Variants in CCDC177 observed in about 807,000 individuals in gnomAD.
The protein encoded by CCDC177 is coiled-coil domain-containing protein 177.
In CCDC177, 2 loss-of-function variants were observed where a neutral mutation model predicts 7.3. That is an observed-to-expected ratio of 0.28 (90% CI 0.11 to 0.87). CCDC177 has a LOEUF of 0.87. CCDC177 is among the 40% of genes least tolerant of loss of function. CCDC177 has a pLI of 0.61. For synonymous variants in CCDC177, 401 were observed against 449.2 expected (o/e 0.89, Z 1.36); for missense variants, 874 against 970.5 (o/e 0.90, Z 1.32).
rs1258434067 is a variant in CCDC177 at position 69,570,960 on chromosome 14, T to C, written c.*539A>G. On this transcript the variant is annotated 3_prime_UTR_variant, in exon 2 of 2. Coordinates refer to ENST00000599174, the MANE Select transcript of CCDC177 (RefSeq NM_001271507.2). ...AAAAAATCAACTGCTTTTTGGATCA[T>C]TTGGGCGTGGCTTGACACCTTGGAG... The C allele has an allele frequency of 4.4e-6, 2 of 458,968 alleles. No individual in the cohort carries two copies. 28.4% of individuals were successfully genotyped at this position (458,968 alleles called of 1,614,324 possible).
intron 1 of CCDC177, among the ~76,000 whole-genome samples, chr14:69,574,029 G>A (rs1403849524): frequency 6.6e-6 from 1 of 152,342 alleles, no homozygotes; most frequent in East Asian, 1.9e-4. Flanking sequence ...GAGGATTAGC[G>A]TATTTGTTTG....
chr14:69,572,478 C>G lies in CCDC177; in HGVS notation c.1145G>C (p.Arg382Pro). Residue 382 changes from arginine (R) to proline (P), a missense_variant, in exon 2 of 2, where the codon CGG (arginine) becomes CCG (proline). Arg to Pro is a moderately radical substitution (Grantham distance 103). Transcript: ENST00000599174. The stretch of plus-strand genomic sequence containing the variant: ...CTGCTCTAGGGCGCGCTGCTTCTCC[C>G]GCTCCTCGCGCTCCCGCCGCTGCTT... ...HAKQRREREEREKQRALEQGR... is the reference protein window; with the variant it reads ...HAKQRREREEPEKQRALEQGR... 8.1e-7 allele frequency: 1 copy of G among 1,230,120 alleles called. No homozygotes were observed. The highest frequency in any genetic ancestry group is 1.0e-6 in the Non-Finnish European group (1 of 987,050). 76.2% of individuals were successfully genotyped at this position (1,230,120 alleles called of 1,614,324 possible).
At position 69,569,829 on chromosome 14, in the gene CCDC177, T is replaced by C. The variant is rs1439596546; in HGVS notation, c.*1670A>G. The C allele has an allele frequency of 6.6e-6, 1 of 152,018 alleles. No homozygotes were observed. The highest frequency in any genetic ancestry group is 1.5e-5 in the Non-Finnish European group (1 of 68,000). The allele number at this position is 152,018 out of a possible 1,614,324, so 9.4% of individuals were successfully genotyped here. A position where few individuals can be genotyped will look rare whatever the true frequency, so the allele number is the denominator to read the frequency against. On this transcript the variant is annotated 3_prime_UTR_variant, in exon 2 of 2. Coordinates refer to ENST00000599174, the MANE Select transcript of CCDC177 (RefSeq NM_001271507.2). ...CCCAGCAGAATATATATGAAATATG[T>C]TTAATGTAGCAGTTCTCTACCCTGT...
chr14:69,571,657 G>A lies in CCDC177; in HGVS notation c.1966C>T (p.Gln656Ter). 1 of 1,232,090 alleles carries A rather than the reference G, an allele frequency of 8.1e-7. No homozygotes were observed. The highest frequency in any genetic ancestry group is 1.0e-6 in the Non-Finnish European group (1 of 988,252). The allele number at this position is 1,232,090 out of a possible 1,614,324, so 76.3% of individuals were successfully genotyped here. A position where few individuals can be genotyped will look rare whatever the true frequency, so the allele number is the denominator to read the frequency against. ...AIGRKLERSE[Q>*]LTRERRSALE... The stretch of plus-strand genomic sequence containing the variant: ...GCACTGCGCCGTTCCCGCGTCAGCT[G>A]CTCGCTGCGCTCCAGCTTGCGCCCG... Residue 656 changes from glutamine to a stop codon, truncating the protein, a stop_gained, in exon 2 of 2, where the codon CAG becomes TAG. Transcript: ENST00000599174. LOFTEE classifies it high-confidence loss of function.
In CCDC177 at chr14:69,571,464, C is replaced by A; in HGVS notation, c.*35G>T. On this transcript the variant is annotated 3_prime_UTR_variant, in exon 2 of 2. Transcript: ENST00000599174. ...AGTGGTTGAGGGAGGCCCCAGGGGG[C>A]TGTGCGTGCCAATCTGGCTGGCAAA... is the stretch of plus-strand genomic sequence containing the variant. 8.1e-7 allele frequency: 1 copy of A among 1,236,126 alleles called. No individual in the cohort carries two copies. The highest frequency in any genetic ancestry group is 1.0e-6 in the Non-Finnish European group (1 of 984,304). 76.6% of individuals were successfully genotyped at this position (1,236,126 alleles called of 1,614,324 possible).
In CCDC177 at chr14:69,572,324, T is replaced by G; in HGVS notation, c.1299A>C (p.Glu433Asp). ...GCTCCCGCCGCAGGAGGCCCTGGCG[T>G]TCGGCCAGCTCCCGCCGCCGCTCCT... is the stretch of plus-strand genomic sequence containing the variant. ...RSEERRRELA[E>D]RQGLLRRERA... The change falls in exon 2 of 2, where the codon GAA becomes GAC. Residue 433 changes from glutamate to aspartate, a missense_variant. Physicochemically the swap from Glu to Asp is conservative, Grantham distance 45. Transcript: ENST00000599174. 1 of 1,226,384 alleles carries G rather than the reference T, an allele frequency of 8.2e-7. No homozygotes were observed. The highest frequency in any genetic ancestry group is 1.0e-6 in the Non-Finnish European group (1 of 984,736). The allele number at this position is 1,226,384 out of a possible 1,614,324, so 76.0% of individuals were successfully genotyped here.
In CCDC177 at chr14:69,572,227, C is replaced by T. The variant is rs953037062; in HGVS notation, c.1396G>A (p.Glu466Lys). The T allele has an allele frequency of 4.6e-5, 56 of 1,229,550 alleles. No homozygotes were observed. The highest frequency in any genetic ancestry group is 5.4e-5 in the Non-Finnish European group (53 of 986,696). The allele number at this position is 1,229,550 out of a possible 1,614,324, so 76.2% of individuals were successfully genotyped here. ...CGCTCCCGCCCTTCCTGTAGACCTT[C>T]CTCACGTTGCTTCAGGTTCTGCTCC... ...QQEQNLKQRE[E>K]GLQEGRERAE... The change falls in exon 2 of 2, where the codon GAA becomes AAA. Residue 466 changes from glutamate to lysine, a missense_variant. Coordinates refer to ENST00000599174, the MANE Select transcript of CCDC177 (RefSeq NM_001271507.2).
chr14:69,573,475 C>T lies in CCDC177; in HGVS notation c.148G>A (p.Val50Met). 1 of 1,231,450 alleles carries T rather than the reference C, an allele frequency of 8.1e-7. No homozygotes were observed. Among genetic ancestry groups the T allele is most frequent in the Non-Finnish European group, 1.0e-6 (1 of 987,772 alleles). The allele number at this position is 1,231,450 out of a possible 1,614,324, so 76.3% of individuals were successfully genotyped here. Residue 50 changes from valine to methionine, a missense_variant, in exon 2 of 2, where the codon GTG (valine) becomes ATG (methionine). Physicochemically the swap from Val to Met is conservative, Grantham distance 21 (BLOSUM62 1). Coordinates refer to ENST00000599174, the MANE Select transcript of CCDC177 (RefSeq NM_001271507.2). The part of the protein sequence containing the change: ...SSASASASAA[V>M]PRKAEVPCAA... ...CATGGGACTTCTGCCTTGCGGGGCACCGCCGCGGAGGCCGAGGCCGAGGCC... is the reference window on the plus strand; with the variant it reads ...CATGGGACTTCTGCCTTGCGGGGCATCGCCGCGGAGGCCGAGGCCGAGGCC...
Position 69,571,678 on chromosome 14 carries a change from G to A in CCDC177, c.1945C>T (p.Arg649Cys), listed in dbSNP as rs1884327237. The change falls in exon 2 of 2, where the codon CGC (arginine) becomes TGC (cysteine). Residue 649 changes from arginine (R) to cysteine (C), a missense_variant. By Grantham distance (180) the Arg-to-Cys change is radical. Coordinates refer to ENST00000599174, the MANE Select transcript of CCDC177 (RefSeq NM_001271507.2). ...RRRELLQAIG[R>C]KLERSEQLTR... ...AGCTGCTCGCTGCGCTCCAGCTTGC[G>A]CCCGATGGCCTGGAGTAGCTCTCGC... 4 of 1,232,050 alleles carry A rather than the reference G, an allele frequency of 3.2e-6. No individual in the cohort carries two copies. Among genetic ancestry groups the A allele is most frequent in the East Asian group, 3.2e-5 (1 of 31,688 alleles). 76.3% of individuals were successfully genotyped at this position (1,232,050 alleles called of 1,614,324 possible).
At position 69,572,951 on chromosome 14, in the gene CCDC177, A is replaced by C. The variant is rs1450391105; in HGVS notation, c.672T>G (p.Ser224=). Residue 224 remains serine (S), a synonymous_variant, in exon 2 of 2, where the codon TCT becomes TCG. Transcript: ENST00000599174. ...SARTQPPPAG[S]RTGRKSHSLD... Reference sequence around the variant, plus strand: ...GCGAATGGCTCTTCCTGCCTGTTCGAGAACCCGCTGGCGGAGGTTGGGTCC... The same window carrying C: ...GCGAATGGCTCTTCCTGCCTGTTCGCGAACCCGCTGGCGGAGGTTGGGTCC... 51 of 1,231,138 alleles carry C rather than the reference A, an allele frequency of 4.1e-5. No homozygotes were observed. Among genetic ancestry groups the C allele is most frequent in the Non-Finnish European group, 4.8e-5 (47 of 987,682 alleles). 76.3% of individuals were successfully genotyped at this position (1,231,138 alleles called of 1,614,324 possible).
chr14:69,572,298 C>G lies in CCDC177; in HGVS notation c.1325G>C (p.Arg442Pro), dbSNP rs1205492519. ...ATCCTCCCGGGCCGCGCGCTCCGCC[C>G]GCTCCCGCCGCAGGAGGCCCTGGCG... Reference protein sequence around the residue: ...AERQGLLRRERAERAAREDRL... With the variant: ...AERQGLLRREPAERAAREDRL... Residue 442 changes from arginine (R) to proline (P), a missense_variant, in exon 2 of 2, where the codon CGG (arginine) becomes CCG (proline). By Grantham distance (103) the Arg-to-Pro change is moderately radical. Coordinates refer to ENST00000599174, the MANE Select transcript of CCDC177 (RefSeq NM_001271507.2). 1.6e-6 allele frequency: 2 copies of G among 1,227,916 alleles called. No individual in the cohort carries two copies. Among genetic ancestry groups the G allele is most frequent in the Non-Finnish European group, 2.0e-6 (2 of 985,692 alleles). 76.1% of individuals were successfully genotyped at this position (1,227,916 alleles called of 1,614,324 possible).
rs2139565293 is a variant in CCDC177, at chr14:69,573,093, G to A, written c.530C>T (p.Ala177Val). ...CGCGCTCGGGGCCGAGGCCGCGGCGGCGGCGGCGGCGGCGGCGGCCGCGGG... is the reference window on the plus strand; with the variant it reads ...CGCGCTCGGGGCCGAGGCCGCGGCGACGGCGGCGGCGGCGGCGGCCGCGGG... ...LSPAAAAAAA[A>V]AAASAPSAGS... The change falls in exon 2 of 2, where the codon GCC becomes GTC. Residue 177 changes from alanine (A) to valine (V), a missense_variant. Physicochemically the swap from Ala to Val is moderately conservative, Grantham distance 64 (BLOSUM62 0). Coordinates refer to ENST00000599174, the MANE Select transcript of CCDC177 (RefSeq NM_001271507.2). 5.4e-6 allele frequency: 4 copies of A among 738,816 alleles called. No individual in the cohort carries two copies. The highest frequency in any genetic ancestry group is 1.8e-4 in the Admixed American group (1 of 5,442). The allele number at this position is 738,816 out of a possible 1,614,324, so 45.8% of individuals were successfully genotyped here. A position where few individuals can be genotyped will look rare whatever the true frequency, so the allele number is the denominator to read the frequency against.
rs1202050729 is a variant in CCDC177 at position 69,572,660 on chromosome 14, G to A, written c.963C>T (p.Ile321=). 1.6e-6 allele frequency: 2 copies of A among 1,231,364 alleles called. No individual in the cohort carries two copies. The highest frequency in any genetic ancestry group is 3.2e-5 in the East Asian group (1 of 31,692). The allele number at this position is 1,231,364 out of a possible 1,614,324, so 76.3% of individuals were successfully genotyped here. The change falls in exon 2 of 2, where the codon ATC becomes ATT. Residue 321 remains isoleucine, a synonymous_variant. Transcript: ENST00000599174. The part of the protein sequence containing the change: ...SPQTAQHVER[I]VRQVRAERGL... Reference sequence around the variant, plus strand: ...CGCGCTCTGCACGCACTTGACGCACGATGCGCTCCACGTGCTGAGCGGTCT... The same window carrying A: ...CGCGCTCTGCACGCACTTGACGCACAATGCGCTCCACGTGCTGAGCGGTCT...
Position 69,573,447 on chromosome 14 carries a change from G to T in CCDC177, c.176C>A (p.Ala59Glu). 1 of 1,231,512 alleles carries T rather than the reference G, an allele frequency of 8.1e-7. No homozygotes were observed. The highest frequency in any genetic ancestry group is 1.0e-6 in the Non-Finnish European group (1 of 987,834). The allele number at this position is 1,231,512 out of a possible 1,614,324, so 76.3% of individuals were successfully genotyped here. A position where few individuals can be genotyped will look rare whatever the true frequency, so the allele number is the denominator to read the frequency against. Reference sequence around the variant, plus strand: ...CTCCCGCCGCCCGCCTTCTGCGGCTGCACATGGGACTTCTGCCTTGCGGGG... The same window carrying T: ...CTCCCGCCGCCCGCCTTCTGCGGCTTCACATGGGACTTCTGCCTTGCGGGG... ...AVPRKAEVPC[A>E]AAEGGRREQS... The change falls in exon 2 of 2, where the codon GCA becomes GAA. Residue 59 changes from alanine (A) to glutamate (E), a missense_variant. Ala to Glu is a moderately radical substitution (Grantham distance 107). Coordinates refer to ENST00000599174, the MANE Select transcript of CCDC177 (RefSeq NM_001271507.2).
rs1884301252 is a variant in CCDC177 at position 69,570,569 on chromosome 14, G to A, written c.*930C>T. ...TCCAAACTCTCTGGGGCCCACCCTT[G>A]AGACGGCATGCAGGGCTGGAGATTT... On this transcript the variant is annotated 3_prime_UTR_variant, in exon 2 of 2. Coordinates refer to ENST00000599174, the MANE Select transcript of CCDC177 (RefSeq NM_001271507.2). 2.8e-6 allele frequency: 1 copy of A among 353,470 alleles called. No individual in the cohort carries two copies. Among genetic ancestry groups the A allele is most frequent in the Admixed American group, 3.8e-5 (1 of 26,390 alleles). The allele number at this position is 353,470 out of a possible 1,614,324, so 21.9% of individuals were successfully genotyped here. A position where few individuals can be genotyped will look rare whatever the true frequency, so the allele number is the denominator to read the frequency against.
Position 69,572,759 on chromosome 14 carries a change from G to A in CCDC177, c.864C>T (p.Gly288=). 4 of 1,231,590 alleles carry A rather than the reference G, an allele frequency of 3.2e-6. No homozygotes were observed. The highest frequency in any genetic ancestry group is 4.0e-6 in the Non-Finnish European group (4 of 987,848). The allele number at this position is 1,231,590 out of a possible 1,614,324, so 76.3% of individuals were successfully genotyped here. The change falls in exon 2 of 2, where the codon GGC becomes GGT. Residue 288 remains glycine (G), a synonymous_variant. Transcript: ENST00000599174. ...GSASSTTNAP[G]RPSALTLVPI... ...GAACCAGGGTCAGGGCAGACGGGCG[G>A]CCCGGAGCGTTGGTGGTGGAGGACG... is the stretch of plus-strand genomic sequence containing the variant.
In CCDC177 at chr14:69,572,352, C is replaced by G; in HGVS notation, c.1271G>C (p.Ser424Thr). The G allele has an allele frequency of 8.2e-7, 1 of 1,224,060 alleles. No homozygotes were observed. The highest frequency in any genetic ancestry group is 1.0e-6 in the Non-Finnish European group (1 of 983,236). The allele number at this position is 1,224,060 out of a possible 1,614,324, so 75.8% of individuals were successfully genotyped here. ...ARRRQRQYER[S>T]EERRRELAER... Reference sequence around the variant, plus strand: ...GGCCAGCTCCCGCCGCCGCTCCTCGCTGCGCTCGTACTGCCGCTGCCGCCG... The same window carrying G: ...GGCCAGCTCCCGCCGCCGCTCCTCGGTGCGCTCGTACTGCCGCTGCCGCCG... Residue 424 changes from serine to threonine, a missense_variant, in exon 2 of 2, where the codon AGC becomes ACC. Coordinates refer to ENST00000599174, the MANE Select transcript of CCDC177 (RefSeq NM_001271507.2).
chr14:69,574,178 C>T (rs1225324901), intron 1 of CCDC177, among the ~76,000 whole-genome samples: 1 of 152,176 alleles, frequency 6.6e-6, no homozygotes, highest in Non-Finnish European at 1.5e-5. Flanking sequence ...GGTCGCAAGG[C>T]CCCCGGGTGA....
In CCDC177 at chr14:69,573,116, G is replaced by T. The variant is rs1214077141; in HGVS notation, c.507C>A (p.Pro169=). 4.1e-6 allele frequency: 5 copies of T among 1,226,382 alleles called. No individual in the cohort carries two copies. Among genetic ancestry groups the T allele is most frequent in the African/African-American group, 1.6e-5 (1 of 63,970 alleles). The allele number at this position is 1,226,382 out of a possible 1,614,324, so 76.0% of individuals were successfully genotyped here. A position where few individuals can be genotyped will look rare whatever the true frequency, so the allele number is the denominator to read the frequency against. The part of the protein sequence containing the change: ...EKRRLFTPLS[P]AAAAAAAAAA... ...CGGCGGCGGCGGCGGCGGCGGCCGC[G>T]GGGCTCAAAGGCGTGAAAAGACGCC... Residue 169 remains proline (P), a synonymous_variant, in exon 2 of 2, where the codon CCC becomes CCA. Transcript: ENST00000599174.
Sources: allele counts gnomAD v4.1 joint callset (sites outside exome capture counted in the v4.1 genomes callset), GRCh38; gene constraint gnomAD v4.1.1; transcripts MANE v1.5; gene names NCBI Gene and HGNC (gene_info 2026-07-23, HGNC 2026-07-21).